Variants in BAZ2B observed in about 807,000 individuals in gnomAD.
BAZ2B encodes bromodomain adjacent to zinc finger domain protein 2B.
In BAZ2B, 91 loss-of-function variants were observed where a neutral mutation model predicts 246.0. The observed-to-expected ratio is 0.37, with a 90% CI of 0.31 to 0.44. BAZ2B has a LOEUF of 0.44. BAZ2B is among the 20% of genes least tolerant of loss of function. The pLI is 1.00. For missense variants in BAZ2B, 2,332 were observed against 2,533.7 expected, an observed-to-expected ratio of 0.92 and a Z score of 1.71; for synonymous variants, 855 against 860.0, an observed-to-expected ratio of 0.99 and a Z score of 0.10.
At position 159,491,720 on chromosome 2, in the gene BAZ2B, CAAAAAAAAAAA is replaced by C. The variant is rs773067675; in HGVS notation, c.-2-13010_-2-13000del. ...CGGGCGACAGAGCGAGACTCCGTCTCAAAAAAAAAAAAAAAAAAAAAAAAAAGTCTTCTGTT... is the reference window on the plus strand; with the variant it reads ...CGGGCGACAGAGCGAGACTCCGTCTCAAAAAAAAAAAAAAAGTCTTCTGTT... On this transcript the variant is annotated intron_variant, in intron 2 of 36. Transcript: ENST00000392783. 4.1e-4 allele frequency among the ~76,000 whole-genome samples: 12 copies of C among 29,554 alleles called. 1 individual carries two copies. The highest frequency in any genetic ancestry group is 1.5e-3 in the African/African-American group (7 of 4,582). The allele number at this position is 29,554 out of a possible 152,430, so 19.4% of individuals were successfully genotyped here. A position where few individuals can be genotyped will look rare whatever the true frequency, so the allele number is the denominator to read the frequency against.
At chr2:159,400,887 A>T (rs6432530) in intron 16 of BAZ2B, among the ~76,000 whole-genome samples, 148,943 of 151,784 alleles carry the variant, frequency 0.98, 73,136 homozygotes, top group East Asian at 1. Flanking sequence ...AAAAATATTT[A>T]AAAAAAATTA....
At chr2:159,399,789 T>C (rs905931636) in intron 17 of BAZ2B, among the ~76,000 whole-genome samples, 3 of 152,130 alleles carry the variant, frequency 2.0e-5, no homozygotes, top group African/African-American at 4.8e-5. Context: ...GTTTCCGGAA[T>C]GGTGGAGAAG....
At chr2:159,615,846 G>A (rs1315810950) in intron 1 of BAZ2B, 1 of 152,452 alleles carries the variant, frequency 6.6e-6, no homozygotes, top group Non-Finnish European at 1.5e-5. Flanking sequence ...CGGACTCGCG[G>A]CGGCAGCGCC....
At chr2:159,574,562 C>T (rs951652460) in intron 1 of BAZ2B, among the ~76,000 whole-genome samples, 2 of 152,052 alleles carry the variant, frequency 1.3e-5, no homozygotes, top group Non-Finnish European at 2.9e-5. Context: ...ATAAAAAAAC[C>T]TACACGTATG....
chr2:159,502,998 T>G (rs2081997668), intron 2 of BAZ2B, among the ~76,000 whole-genome samples: 1 of 152,224 alleles, frequency 6.6e-6, no homozygotes, highest in South Asian at 2.1e-4. Context: ...ACCATCATCT[T>G]AATACAATCC....
intron 25 of BAZ2B, among the ~76,000 whole-genome samples, chr2:159,378,380 T>C (rs183911383): frequency 1.4e-4 from 22 of 152,280 alleles, no homozygotes; most frequent in African/African-American, 4.8e-4. Flanking sequence ...TTAAAAGCAG[T>C]AAAGTTAAAT....
intron 19 of BAZ2B, among the ~76,000 whole-genome samples, chr2:159,396,789 T>C (rs1354991444): frequency 2.6e-5 from 4 of 152,172 alleles, no homozygotes; most frequent in African/African-American, 7.2e-5. Context: ...GTCATAATTA[T>C]ATCTAATTGT....
At chr2:159,585,299 T>A (rs1687783462) in intron 1 of BAZ2B, among the ~76,000 whole-genome samples, 2 of 152,160 alleles carry the variant, frequency 1.3e-5, no homozygotes. Context: ...GTAAAGTGGC[T>A]TGCTCCACTT....
intron 27 of BAZ2B, among the ~76,000 whole-genome samples, chr2:159,354,350 A>T (rs980538768): frequency 6.7e-6 from 1 of 148,450 alleles, no homozygotes; most frequent in African/African-American, 2.6e-5. Flanking sequence ...CTAATTAAAA[A>T]AAATATATAT....
chr2:159,597,592 TGTCAGCTCACTGCGACCTTC>T (rs1691037700), intron 1 of BAZ2B, among the ~76,000 whole-genome samples: 1 of 152,194 alleles, frequency 6.6e-6, no homozygotes, highest in East Asian at 1.9e-4. Context: ...AGTGACGCGA[TGTCAGCTCACTGCGACCTTC>T]GCCTTCTAGG....
chr2:159,507,043 G>A (rs1016708478), intron 2 of BAZ2B, among the ~76,000 whole-genome samples: 1 of 152,112 alleles, frequency 6.6e-6, no homozygotes, highest in Non-Finnish European at 1.5e-5. Flanking sequence ...AAAAGTAATG[G>A]TACTTCTACT....
chr2:159,354,299 G>A (rs1235939179), intron 27 of BAZ2B, among the ~76,000 whole-genome samples: 4 of 151,846 alleles, frequency 2.6e-5, no homozygotes, highest in African/African-American at 9.7e-5. Context: ...GGCTATCTTT[G>A]ACTTTTACAT....
chr2:159,382,823 G>T (rs755527387), intron 24 of BAZ2B, 21 bp from the exon 25 acceptor site: 3 of 1,600,130 alleles, frequency 1.9e-6, no homozygotes, highest in Non-Finnish European at 2.6e-6. Flanking sequence ...TATGAAAAGT[G>T]ATGACAAGGA....
At chr2:159,514,802 ATATAGTAAG>A (rs2083267422) in intron 2 of BAZ2B, among the ~76,000 whole-genome samples, 1 of 152,166 alleles carries the variant, frequency 6.6e-6, no homozygotes, top group African/African-American at 2.4e-5. Context: ...AGAGGTTTGC[ATATAGTAAG>A]TATTCAATAA....
At chr2:159,471,408 T>C (rs1452117018) in intron 3 of BAZ2B, among the ~76,000 whole-genome samples, 3 of 152,048 alleles carry the variant, frequency 2.0e-5, no homozygotes, top group Non-Finnish European at 4.4e-5. Flanking sequence ...TTGAGACCAG[T>C]CTGGACAACA....
the BAZ2B span, among the ~76,000 whole-genome samples, chr2:159,704,278 G>A: frequency 6.6e-6 from 1 of 152,162 alleles, no homozygotes; most frequent in African/African-American, 2.4e-5. Context: ...TGGAGTATAT[G>A]TATTCAATGG....
At chr2:159,406,003 A>G (rs1355698569) in intron 14 of BAZ2B, among the ~76,000 whole-genome samples, 1 of 152,256 alleles carries the variant, frequency 6.6e-6, no homozygotes, top group Non-Finnish European at 1.5e-5. Context: ...CCTAGTTCTT[A>G]TAATCTTCAA....
chr2:159,698,561 C>A, the BAZ2B span, among the ~76,000 whole-genome samples: 2 of 150,980 alleles, frequency 1.3e-5, no homozygotes, highest in Non-Finnish European at 2.9e-5. Context: ...AATGTTTAGC[C>A]CTTTCTAGTA....
At chr2:159,512,184 A>G (rs1343573150) in intron 2 of BAZ2B, among the ~76,000 whole-genome samples, 1 of 152,202 alleles carries the variant, frequency 6.6e-6, no homozygotes, top group Non-Finnish European at 1.5e-5. Flanking sequence ...TATGTTTGAC[A>G]TGGCTTTGTA....
Sources: allele counts gnomAD v4.1 joint callset (sites outside exome capture counted in the v4.1 genomes callset), GRCh38; gene constraint gnomAD v4.1.1; transcripts MANE v1.5; gene names NCBI Gene and HGNC (gene_info 2026-07-23, HGNC 2026-07-21).